Variants in XKR3 observed in about 807,000 individuals in gnomAD.
XKR3 encodes XK-related protein 3.
XKR3 carries 27 observed loss-of-function variants against 40.3 expected under a neutral mutation model. The ratio of observed to expected loss-of-function variants is 0.67; its 90% CI spans 0.49 to 0.92. XKR3 has a LOEUF of 0.92. Among genes scored for constraint, XKR3 ranks in the 40% least tolerant of loss-of-function variants. The pLI is 0.00. For missense variants in XKR3, 472 were observed against 537.6 expected (o/e 0.88, Z 1.21); for synonymous variants, 193 against 195.4 (o/e 0.99, Z 0.10).
chr22:16,810,804 A>G (rs2060209271), intron 1 of XKR3, among the ~76,000 whole-genome samples: 1 of 152,204 alleles, frequency 6.6e-6, no homozygotes. Flanking sequence ...TCACTTTTAC[A>G]TATCTTCTAC....
At chr22:16,789,347 C>T (rs1171557527) in intron 3 of XKR3, among the ~76,000 whole-genome samples, 1 of 151,936 alleles carries the variant, frequency 6.6e-6, no homozygotes, top group Admixed American at 6.6e-5. Context: ...AATTAAGTAG[C>T]ATTTTCATAT....
intron 1 of XKR3, among the ~76,000 whole-genome samples, chr22:16,821,139 T>C (rs1439310170): frequency 6.6e-6 from 1 of 152,146 alleles, no homozygotes; most frequent in Non-Finnish European, 1.5e-5. Context: ...AATATCTTCA[T>C]GTTTAAGAGT....
intron 1 of XKR3, among the ~76,000 whole-genome samples, chr22:16,819,220 T>A (rs1178474080): frequency 2.6e-5 from 4 of 152,140 alleles, no homozygotes; most frequent in Admixed American, 2.6e-4. Context: ...CCCAGCTTGA[T>A]CTATATATTT....
At chr22:16,818,970 T>C (rs2060244955) in intron 1 of XKR3, among the ~76,000 whole-genome samples, 1 of 152,046 alleles carries the variant, frequency 6.6e-6, no homozygotes, top group Non-Finnish European at 1.5e-5. Context: ...GAATCTAAAC[T>C]AGTCAGCAAT....
At chr22:16,792,205 T>A (rs2060123287) in intron 3 of XKR3, among the ~76,000 whole-genome samples, 1 of 152,144 alleles carries the variant, frequency 6.6e-6, no homozygotes, top group Admixed American at 6.5e-5. Context: ...CTTGGCCTCC[T>A]AAAATGCTAG....
intron 3 of XKR3, among the ~76,000 whole-genome samples, chr22:16,788,182 A>G: frequency 6.6e-6 from 1 of 152,258 alleles, no homozygotes; most frequent in South Asian, 2.1e-4. Context: ...TAAATTACAT[A>G]CTCCTGAACA....
intron 1 of XKR3, among the ~76,000 whole-genome samples, chr22:16,818,497 C>T (rs577373890): frequency 2.0e-5 from 3 of 152,120 alleles, no homozygotes; most frequent in African/African-American, 4.8e-5. Flanking sequence ...CCTGTTCTCT[C>T]GCAGCCCAAG....
At chr22:16,784,478 C>T (rs2060081718) in intron 3 of XKR3, 69 bp from the exon 4 acceptor site, 1 of 1,391,612 alleles carries the variant, frequency 7.2e-7, no homozygotes, top group Non-Finnish European at 9.6e-7. Context: ...CTTTTTTAAA[C>T]TTGCCATTTT....
intron 2 of XKR3, among the ~76,000 whole-genome samples, chr22:16,803,682 G>A (rs1469415427): frequency 6.6e-6 from 1 of 152,140 alleles, no homozygotes; most frequent in Non-Finnish European, 1.5e-5. Flanking sequence ...GTGACCTCTG[G>A]TCGTCCTCAC....
chr22:16,812,782 A>G (rs2060217814), intron 1 of XKR3, among the ~76,000 whole-genome samples: 1 of 152,186 alleles, frequency 6.6e-6, no homozygotes, highest in Non-Finnish European at 1.5e-5. Flanking sequence ...CATCACCTTA[A>G]TGAGAAACTC....
intron 3 of XKR3, among the ~76,000 whole-genome samples, chr22:16,785,192 T>C (rs1488883795): frequency 8.6e-5 from 13 of 151,892 alleles, no homozygotes; most frequent in Admixed American, 2.6e-4. Flanking sequence ...TGGTGGGAGC[T>C]TGTAGTCCCA....
intron 1 of XKR3, among the ~76,000 whole-genome samples, chr22:16,823,920 TG>T (rs1266449038): frequency 6.6e-6 from 1 of 152,140 alleles, no homozygotes; most frequent in Non-Finnish European, 1.5e-5. Flanking sequence ...TCAAGGCTGC[TG>T]AAACAAGTGA....
rs1450376207 is a variant in XKR3 at position 16,783,665 on chromosome 22, T to C, written c.1334A>G (p.Asn445Ser). ...TCTGATTGAAAAATATCCAACCCTA[T>C]TGCAGGAGTGACAGTAATTCCTCAG... The part of the protein sequence containing the change: ...KQLRNYCHSC[N>S]RVGYFSIRKS... The change falls in exon 4 of 4, where the codon AAT becomes AGT. Residue 445 changes from asparagine to serine, a missense_variant. Transcript: ENST00000684488. The C allele has an allele frequency of 6.2e-7, 1 of 1,610,532 alleles. No individual in the cohort carries two copies. The highest frequency in any genetic ancestry group is 8.5e-7 in the Non-Finnish European group (1 of 1,179,038).
At position 16,799,935 on chromosome 22, in the gene XKR3, T is replaced by C. The variant is rs752376401; in HGVS notation, c.425A>G (p.Asn142Ser). Residue 142 changes from asparagine (N) to serine (S), a missense_variant, in exon 3 of 4, where the codon AAC (asparagine) becomes AGC (serine). By Grantham distance (46) the Asn-to-Ser change is conservative. Coordinates refer to ENST00000684488, the MANE Select transcript of XKR3 (RefSeq NM_001386955.1). ...EETQVSITKR[N>S]TMLEREIAFS... ...TGCAATCTCCCTTTCCAGCATCGTG[T>C]TTCTCTTTGTGATGCTAACTTGAGT... The C allele has an allele frequency of 6.2e-7, 1 of 1,614,156 alleles. No homozygotes were observed. Among genetic ancestry groups the C allele is most frequent in the Admixed American group, 1.7e-5 (1 of 60,014 alleles).
At chr22:16,803,441 G>A (rs2060177443) in intron 2 of XKR3, among the ~76,000 whole-genome samples, 1 of 152,156 alleles carries the variant, frequency 6.6e-6, no homozygotes, top group Admixed American at 6.5e-5. Flanking sequence ...TCTTAAACAG[G>A]AGCTAGGAAA....
rs1273847434 is a variant in XKR3 at position 16,784,303 on chromosome 22, C to G, written c.696G>C (p.Pro232=). ...ACATCACGACACAGAAGAATTCTAT[C>G]GGCGGTAGCTTAATGGTAGTATCAT... ...SNDDTTIKLP[P]IEFFCVVMWR... The change falls in exon 4 of 4, where the codon CCG becomes CCC. Residue 232 remains proline, a synonymous_variant. Transcript: ENST00000684488. 1 of 1,614,136 alleles carries G rather than the reference C, an allele frequency of 6.2e-7. No individual in the cohort carries two copies. Among genetic ancestry groups the G allele is most frequent in the African/African-American group, 1.3e-5 (1 of 75,030 alleles).
intron 3 of XKR3, among the ~76,000 whole-genome samples, chr22:16,797,689 AG>A (rs1482429515): frequency 9.3e-5 from 14 of 150,630 alleles, no homozygotes; most frequent in East Asian, 2.0e-4. Flanking sequence ...GCTGCTTGGG[AG>A]GGTGAGGCAG....
chr22:16,816,216 T>C (rs1319569409), intron 1 of XKR3, among the ~76,000 whole-genome samples: 2 of 151,904 alleles, frequency 1.3e-5, no homozygotes, highest in Non-Finnish European at 1.5e-5. Flanking sequence ...TTACCCAAGA[T>C]TTTCTGTCTC....
intron 3 of XKR3, among the ~76,000 whole-genome samples, chr22:16,797,967 A>T (rs984371971): frequency 1.3e-5 from 2 of 151,878 alleles, no homozygotes; most frequent in South Asian, 2.1e-4. Flanking sequence ...TGAGGTCAGG[A>T]GTTCAAGACC....
Sources: allele counts gnomAD v4.1 joint callset (sites outside exome capture counted in the v4.1 genomes callset), GRCh38; gene constraint gnomAD v4.1.1; transcripts MANE v1.5; gene names NCBI Gene and HGNC (gene_info 2026-07-23, HGNC 2026-07-21).